IGF1R: variants seen among roughly 807,000 people sequenced by gnomAD.
The protein encoded by IGF1R is insulin-like growth factor 1 receptor.
IGF1R carries 44 observed loss-of-function variants against 144.6 expected under a neutral mutation model. That is an observed-to-expected ratio of 0.30 (90% CI 0.24 to 0.39). The LOEUF (loss-of-function observed/expected upper bound fraction) is 0.39. Among genes scored for constraint, IGF1R ranks in the 10% least tolerant of loss-of-function variants. The probability of loss-of-function intolerance (pLI) is 1.00; values close to 1 mark genes in which losing one functional copy is unlikely to be tolerated. For missense variants in IGF1R, 1,355 were observed against 1,833.7 expected (o/e 0.74, Z 4.77); for synonymous variants, 795 against 722.8 (o/e 1.10, Z -1.60).
chr15:98,831,039 T>G (rs545581013), intron 2 of IGF1R, among the ~76,000 whole-genome samples: 14 of 152,200 alleles, frequency 9.2e-5, no homozygotes, highest in African/African-American at 3.1e-4. Context: ...GAGTGAGAAC[T>G]CACTCTTTAC....
chr15:98,946,705 C>T (rs1467514937), intron 19 of IGF1R, among the ~76,000 whole-genome samples: 2 of 152,066 alleles, frequency 1.3e-5, no homozygotes, highest in African/African-American at 2.4e-5. Flanking sequence ...GTGTGAGACG[C>T]AGTGAGTTTG....
At chr15:98,934,187 G>A (rs965099966) in intron 15 of IGF1R, among the ~76,000 whole-genome samples, 4 of 148,820 alleles carry the variant, frequency 2.7e-5, no homozygotes, top group Admixed American at 2.0e-4. Flanking sequence ...CACATGGAAT[G>A]CTCAGGAGTC....
chr15:98,886,285 C>G (rs756830752), intron 2 of IGF1R, among the ~76,000 whole-genome samples: 5 of 151,970 alleles, frequency 3.3e-5, no homozygotes, highest in African/African-American at 1.2e-4. Context: ...ACTCTTTTTC[C>G]TCTCCCCCCA....
intron 2 of IGF1R, among the ~76,000 whole-genome samples, chr15:98,870,843 G>A (rs531048888): frequency 1.3e-5 from 2 of 152,316 alleles, no homozygotes; most frequent in African/African-American, 2.4e-5. Context: ...ACTCCCTTCC[G>A]TTGCAATGGC....
At chr15:98,809,934 T>C (rs1039048476) in intron 2 of IGF1R, among the ~76,000 whole-genome samples, 1 of 152,116 alleles carries the variant, frequency 6.6e-6, no homozygotes, top group Non-Finnish European at 1.5e-5. Context: ...GTATATGGGA[T>C]AGCCACGGGG....
rs561375715 is a variant in IGF1R at position 98,942,892 on chromosome 15, G to A, written c.3458-31G>A. 73 of 1,613,774 alleles carry A rather than the reference G, an allele frequency of 4.5e-5. No individual in the cohort carries two copies. The East Asian group carries it at 9.4e-4, about 21-fold the overall frequency. ...TGACAGCAGTGGTGCCTGCTCCAGC[G>A]TGTGACTCTGCGCCCTCTCTTCCCT... On this transcript the variant is annotated intron_variant, in intron 18 of 20. Coordinates refer to ENST00000650285, the MANE Select transcript of IGF1R (RefSeq NM_000875.5).
chr15:98,816,709 G>A (rs1041937507), intron 2 of IGF1R, among the ~76,000 whole-genome samples: 2 of 152,158 alleles, frequency 1.3e-5, no homozygotes, highest in African/African-American at 2.4e-5. Flanking sequence ...ATAGCTACTC[G>A]CTGTGGATAT....
chr15:98,733,623 C>T (rs755431128), intron 2 of IGF1R, among the ~76,000 whole-genome samples: 12 of 152,104 alleles, frequency 7.9e-5, no homozygotes, highest in Non-Finnish European at 1.8e-4. Context: ...AAGAGCCCTC[C>T]AAAATCATTA....
At chr15:98,690,197 G>A (rs981309386) in intron 1 of IGF1R, among the ~76,000 whole-genome samples, 5 of 152,084 alleles carry the variant, frequency 3.3e-5, no homozygotes, top group African/African-American at 1.2e-4. Context: ...TAAAAAATTA[G>A]CCAAGCATGG....
intron 17 of IGF1R, among the ~76,000 whole-genome samples, chr15:98,938,080 C>G (rs2016225005): frequency 6.6e-6 from 1 of 152,236 alleles, no homozygotes; most frequent in South Asian, 2.1e-4. Flanking sequence ...ATTCCAAATA[C>G]TAGCTTTCAG....
intron 2 of IGF1R, among the ~76,000 whole-genome samples, chr15:98,871,881 A>T (rs2012804973): frequency 6.6e-6 from 1 of 152,344 alleles, no homozygotes; most frequent in East Asian, 1.9e-4. Flanking sequence ...AAAGTTGAAT[A>T]AAGTTATTTA....
chr15:98,942,970 G>A lies in IGF1R; in HGVS notation c.3505G>A (p.Gly1169Arg). The change falls in exon 19 of 21, where the codon GGA becomes AGA. Residue 1169 changes from glycine to arginine, a missense_variant. Gly to Arg is a moderately radical substitution (Grantham distance 125, BLOSUM62 -2). Coordinates refer to ENST00000650285, the MANE Select transcript of IGF1R (RefSeq NM_000875.5). ...DIYETDYYRK[G>R]GKGLLPVRWM... is the part of the protein sequence containing the mutation. The stretch of plus-strand genomic sequence containing the variant: ...CTATGAGACAGACTATTACCGGAAA[G>A]GAGGGAAAGGGCTGCTGCCCGTGCG... 1 of 1,614,200 alleles carries A rather than the reference G, an allele frequency of 6.2e-7. No homozygotes were observed. Among genetic ancestry groups the A allele is most frequent in the Non-Finnish European group, 8.5e-7 (1 of 1,180,004 alleles).
intron 2 of IGF1R, among the ~76,000 whole-genome samples, chr15:98,866,459 A>G (rs1333393294): frequency 6.6e-6 from 1 of 152,254 alleles, no homozygotes; most frequent in Admixed American, 6.5e-5. Flanking sequence ...GAAAAGCAGA[A>G]TGGCTTGAAA....
intron 2 of IGF1R, among the ~76,000 whole-genome samples, chr15:98,833,468 T>A (rs2057038635): frequency 2.6e-5 from 4 of 152,228 alleles, no homozygotes; most frequent in Admixed American, 2.6e-4. Flanking sequence ...GCGATTCTCT[T>A]TTGGTTGTAA....
intron 20 of IGF1R, among the ~76,000 whole-genome samples, chr15:98,953,967 G>A (rs1175036214): frequency 6.6e-6 from 1 of 152,150 alleles, no homozygotes; most frequent in Non-Finnish European, 1.5e-5. Context: ...GCTGAGGCGT[G>A]GTTCCTAAGA....
At chr15:98,923,302 G>C (rs1485853566) in intron 11 of IGF1R, among the ~76,000 whole-genome samples, 1 of 152,252 alleles carries the variant, frequency 6.6e-6, no homozygotes, top group East Asian at 1.9e-4. Flanking sequence ...GGCTTGCCCT[G>C]CTCTTAGCAC....
chr15:98,776,030 C>A (rs1254466531), intron 2 of IGF1R, among the ~76,000 whole-genome samples: 1 of 152,198 alleles, frequency 6.6e-6, no homozygotes, highest in Non-Finnish European at 1.5e-5. Context: ...TACAGACTTT[C>A]TCAATCACAT....
intron 2 of IGF1R, among the ~76,000 whole-genome samples, chr15:98,855,090 A>G (rs772997367): frequency 4.6e-5 from 7 of 151,990 alleles, no homozygotes; most frequent in African/African-American, 1.5e-4. Context: ...TTTCCTGTCA[A>G]TCTTGCCTTC....
intron 2 of IGF1R, among the ~76,000 whole-genome samples, chr15:98,805,165 G>A (rs1005958201): frequency 4.6e-5 from 7 of 152,148 alleles, no homozygotes; most frequent in African/African-American, 9.7e-5. Flanking sequence ...TGTTATCGGA[G>A]CATTACAGGG....
Sources: allele counts gnomAD v4.1 joint callset (sites outside exome capture counted in the v4.1 genomes callset), GRCh38; gene constraint gnomAD v4.1.1; transcripts MANE v1.5; gene names NCBI Gene and HGNC (gene_info 2026-07-23, HGNC 2026-07-21).